KALRN: variants seen among roughly 807,000 people sequenced by gnomAD.
The protein encoded by KALRN is kalirin.
A neutral mutation model predicts 353.7 loss-of-function variants in KALRN; 70 were observed. That is an observed-to-expected ratio of 0.20 (90% CI 0.16 to 0.24). KALRN has a LOEUF of 0.24. Among genes scored for constraint, KALRN ranks in the 10% least tolerant of loss-of-function variants. KALRN has a pLI of 1.00. For missense variants in KALRN, 2,791 were observed against 3,756.7 expected, an observed-to-expected ratio of 0.74 and a Z score of 6.72; for synonymous variants, 1,391 against 1,434.8, an observed-to-expected ratio of 0.97 and a Z score of 0.69.
At chr3:124,051,172 T>A (rs2041004729) in intron 1 of KALRN, among the ~76,000 whole-genome samples, 1 of 152,206 alleles carries the variant, frequency 6.6e-6, no homozygotes, top group South Asian at 2.1e-4. Flanking sequence ...AGTGAGCACT[T>A]GTTACAGATC....
Position 124,632,643 on chromosome 3 carries a change from T to A in KALRN, c.5406T>A (p.Phe1802Leu). 6.2e-7 allele frequency: 1 copy of A among 1,614,110 alleles called. No individual in the cohort carries two copies. Among genetic ancestry groups the A allele is most frequent in the Non-Finnish European group, 8.5e-7 (1 of 1,180,014 alleles). Residue 1802 changes from phenylalanine to leucine, a missense_variant, in exon 35 of 60, where the codon TTT becomes TTA. Phe to Leu is a conservative substitution (Grantham distance 22). Transcript: ENST00000682506. ...AAGTTCGCGATGGTCGGAAGAGCTT[T>A]GACCTGGGATCTCCCAAGCCTGGGG... is the stretch of plus-strand genomic sequence containing the variant. Reference protein sequence around the residue: ...QKKVRDGRKSFDLGSPKPGDE... With the variant: ...QKKVRDGRKSLDLGSPKPGDE...
intron 13 of KALRN, among the ~76,000 whole-genome samples, chr3:124,404,667 T>C (rs1282144238): frequency 6.6e-6 from 1 of 151,488 alleles, no homozygotes; most frequent in Non-Finnish European, 1.5e-5. Flanking sequence ...TTTTTTTTTT[T>C]TTTGCACAGT....
Position 124,669,159 on chromosome 3 carries a change from A to G in KALRN, c.6703+1976A>G, listed in dbSNP as rs147011293. 3.0e-4 allele frequency among the ~76,000 whole-genome samples: 45 copies of G among 152,340 alleles called. 3 individuals carry two copies. The East Asian group carries it at 8.7e-3, about 29-fold the overall frequency. On this transcript the variant is annotated intron_variant, in intron 47 of 59. Coordinates refer to ENST00000682506, the MANE Select transcript of KALRN (RefSeq NM_001388419.1). ...GAAAAGGAGACTCAGAACTTGTCCA[A>G]GGTCACAGAAGCAGTAAGTGATAGA...
At chr3:124,498,949 A>G (rs144388504) in intron 33 of KALRN, among the ~76,000 whole-genome samples, 49 of 151,954 alleles carry the variant, frequency 3.2e-4, no homozygotes, top group African/African-American at 1.1e-3. Flanking sequence ...CTCTGAAAAA[A>G]AGGAAAATAA....
chr3:124,640,301 T>TC (rs2081897986), intron 37 of KALRN, among the ~76,000 whole-genome samples: 1 of 150,430 alleles, frequency 6.6e-6, no homozygotes, highest in Non-Finnish European at 1.5e-5. Context: ...TTTTTTTTTT[T>TC]TTTGAGACAG....
At chr3:124,413,778 A>G in intron 14 of KALRN, 113 bp downstream of exon 14, 1 of 880,884 alleles carries the variant, frequency 1.1e-6, no homozygotes, top group East Asian at 2.7e-5. Flanking sequence ...ACAGATACAA[A>G]GAATAGAGAT....
intron 5 of KALRN, among the ~76,000 whole-genome samples, chr3:124,271,488 C>G (rs1034199473): frequency 2.6e-5 from 4 of 152,214 alleles, no homozygotes; most frequent in African/African-American, 9.7e-5. Flanking sequence ...CCTATATGCT[C>G]TCAATCCATG....
chr3:124,523,709 A>G (rs1161559670), intron 33 of KALRN, among the ~76,000 whole-genome samples: 1 of 152,200 alleles, frequency 6.6e-6, no homozygotes, highest in Admixed American at 6.5e-5. Flanking sequence ...TCCACAAAAA[A>G]TGGAAATGAA....
intron 1 of KALRN, among the ~76,000 whole-genome samples, chr3:124,136,169 G>A (rs1368665093): frequency 6.6e-6 from 1 of 151,968 alleles, no homozygotes; most frequent in Non-Finnish European, 1.5e-5. Flanking sequence ...ATTGCAGCCA[G>A]GGCTAAGAAC....
intron 1 of KALRN, among the ~76,000 whole-genome samples, chr3:124,165,761 A>G (rs1480202611): frequency 6.6e-6 from 1 of 152,242 alleles, no homozygotes; most frequent in Non-Finnish European, 1.5e-5. Flanking sequence ...ATATTCATAC[A>G]TTGGATCATG....
At chr3:124,680,727 C>T (rs1391295677) in intron 51 of KALRN, among the ~76,000 whole-genome samples, 1 of 152,162 alleles carries the variant, frequency 6.6e-6, no homozygotes, top group Non-Finnish European at 1.5e-5. Flanking sequence ...AGGCCCGAGG[C>T]AATCGGCTGA....
At chr3:124,387,155 G>A (rs2088492578) in intron 11 of KALRN, among the ~76,000 whole-genome samples, 1 of 152,190 alleles carries the variant, frequency 6.6e-6, no homozygotes, top group South Asian at 2.1e-4. Context: ...GTGTTGCCAG[G>A]ATTGGGTGTG....
At chr3:124,424,372 G>A (rs374615908) in intron 15 of KALRN, among the ~76,000 whole-genome samples, 2 of 152,078 alleles carry the variant, frequency 1.3e-5, no homozygotes, top group Non-Finnish European at 1.5e-5. Flanking sequence ...TAGTATGAGA[G>A]CCAAAAACAT....
At chr3:124,084,940 G>A (rs116931538) in intron 1 of KALRN, among the ~76,000 whole-genome samples, 1 of 152,130 alleles carries the variant, frequency 6.6e-6, no homozygotes, top group Non-Finnish European at 1.5e-5. Context: ...ACCTGTGAGG[G>A]CCCCCTTCCC....
intron 33 of KALRN, among the ~76,000 whole-genome samples, chr3:124,521,908 AG>A (rs2067195510): frequency 1.3e-5 from 2 of 152,206 alleles, no homozygotes; most frequent in Non-Finnish European, 2.9e-5. Context: ...ACTAGGTGCC[AG>A]GCACAGTTCT....
intron 33 of KALRN, among the ~76,000 whole-genome samples, chr3:124,555,368 C>T (rs1345045097): frequency 2.6e-5 from 4 of 151,628 alleles, no homozygotes; most frequent in Non-Finnish European, 4.4e-5. Context: ...GAGCGGAGAT[C>T]GCACCACTGC....
intron 1 of KALRN, among the ~76,000 whole-genome samples, chr3:124,084,950 C>T (rs568005779): frequency 6.6e-6 from 1 of 152,290 alleles, no homozygotes; most frequent in Admixed American, 6.5e-5. Flanking sequence ...GCCCCCTTCC[C>T]CTCCCTCAGA....
At chr3:124,428,457 A>G (rs374381021) in intron 15 of KALRN, among the ~76,000 whole-genome samples, 4 of 152,336 alleles carry the variant, frequency 2.6e-5, no homozygotes, top group South Asian at 4.1e-4. Context: ...TACAGATGAG[A>G]AAACTGAGAC....
intron 8 of KALRN, among the ~76,000 whole-genome samples, chr3:124,332,355 G>A (rs2080665483): frequency 6.6e-6 from 1 of 152,204 alleles, no homozygotes; most frequent in African/African-American, 2.4e-5. Flanking sequence ...CATCATCAGA[G>A]GTGTGGAGAT....
Sources: gnomAD v4.1 joint callset for allele counts (sites outside exome capture counted in the v4.1 genomes callset) on GRCh38, gnomAD v4.1.1 for gene constraint, MANE v1.5 for transcripts, NCBI Gene and HGNC (gene_info 2026-07-23, HGNC 2026-07-21) for gene names.